The following CSMD1 variants were observed in gnomAD, a reference collection of about 807,000 sequenced individuals.
CSMD1 encodes CUB and sushi domain-containing protein 1.
CSMD1 carries 213 observed loss-of-function variants against 417.5 expected under a neutral mutation model. The ratio of observed to expected loss-of-function variants is 0.51; its 90% CI spans 0.46 to 0.57. The LOEUF (loss-of-function observed/expected upper bound fraction) is 0.57, where lower values mean the gene tolerates loss of function less well. Among genes scored for constraint, CSMD1 ranks in the 20% least tolerant of loss-of-function variants. The pLI is 0.00. For missense variants in CSMD1, 6,923 were observed against 4,529.7 expected, an observed-to-expected ratio of 1.53 and a Z score of -15.17; for synonymous variants, 2,862 against 1,736.8, an observed-to-expected ratio of 1.65 and a Z score of -16.11.
At chr8:4,723,081 G>T (rs1209777766) in intron 1 of CSMD1, among the ~76,000 whole-genome samples, 2 of 152,156 alleles carry the variant, frequency 1.3e-5, no homozygotes, top group African/African-American at 4.8e-5. Context: ...ATAGAGGTCA[G>T]CTTTCTGTCT....
intron 1 of CSMD1, among the ~76,000 whole-genome samples, chr8:4,771,820 A>C (rs1462596119): frequency 6.6e-6 from 1 of 152,144 alleles, no homozygotes; most frequent in African/African-American, 2.4e-5. Context: ...TTTTATTTCC[A>C]TCAACGATAC....
chr8:4,736,202 C>T (rs538198893), intron 1 of CSMD1, among the ~76,000 whole-genome samples: 2 of 152,126 alleles, frequency 1.3e-5, no homozygotes, highest in South Asian at 2.1e-4. Flanking sequence ...ATTATCTGTG[C>T]AGGACAGGGA....
At chr8:4,136,090 A>G (rs1018836512) in intron 3 of CSMD1, among the ~76,000 whole-genome samples, 7 of 152,222 alleles carry the variant, frequency 4.6e-5, no homozygotes, top group African/African-American at 1.7e-4. Context: ...TGACTCAGCA[A>G]AAGGACTTCC....
At chr8:4,204,352 G>A (rs758830235) in intron 3 of CSMD1, among the ~76,000 whole-genome samples, 11 of 151,652 alleles carry the variant, frequency 7.3e-5, no homozygotes, top group African/African-American at 1.9e-4. Context: ...TCCACTTCTA[G>A]GTGAGCAAAC....
At chr8:3,260,193 G>C (rs919155172) in intron 26 of CSMD1, among the ~76,000 whole-genome samples, 23 of 152,010 alleles carry the variant, frequency 1.5e-4, no homozygotes, top group Admixed American at 4.6e-4. Context: ...TTTATTATCT[G>C]CTTCCTCACC....
At chr8:3,457,541 G>A (rs539196129) in intron 12 of CSMD1, among the ~76,000 whole-genome samples, 1 of 152,322 alleles carries the variant, frequency 6.6e-6, no homozygotes, top group African/African-American at 2.4e-5. Flanking sequence ...GCCGTTCCTG[G>A]CTTAGAGGCA....
At chr8:3,659,579 G>A (rs1395559413) in intron 7 of CSMD1, among the ~76,000 whole-genome samples, 1 of 152,156 alleles carries the variant, frequency 6.6e-6, no homozygotes, top group East Asian at 1.9e-4. Flanking sequence ...TAGCAAAAAT[G>A]ATTCAACTGT....
At chr8:3,918,823 C>T (rs930074544) in intron 5 of CSMD1, among the ~76,000 whole-genome samples, 4 of 151,994 alleles carry the variant, frequency 2.6e-5, no homozygotes, top group South Asian at 2.1e-4. Flanking sequence ...GGGAGCCAAA[C>T]TATGAGGATG....
intron 7 of CSMD1, among the ~76,000 whole-genome samples, chr8:3,626,905 A>C (rs910729205): frequency 1.3e-5 from 2 of 150,384 alleles, no homozygotes; most frequent in Non-Finnish European, 3.0e-5. Context: ...AATATTTAAT[A>C]TTAAGGCTTT....
chr8:3,436,630 A>T (rs7005316), intron 12 of CSMD1, among the ~76,000 whole-genome samples: 101,617 of 152,046 alleles, frequency 0.67, 34,326 homozygotes, highest in East Asian at 0.82. Context: ...ACACCAACAT[A>T]GTGATTACAT....
intron 2 of CSMD1, among the ~76,000 whole-genome samples, chr8:4,430,622 G>C (rs1223345861): frequency 1.3e-5 from 2 of 151,976 alleles, no homozygotes; most frequent in African/African-American, 4.8e-5. Context: ...GAATTCAACT[G>C]ATCCTCTTTT....
At chr8:3,941,197 T>G (rs534108412) in intron 5 of CSMD1, among the ~76,000 whole-genome samples, 1 of 152,232 alleles carries the variant, frequency 6.6e-6, no homozygotes, top group African/African-American at 2.4e-5. Context: ...AAATTTAAAT[T>G]GTGCTAGAGA....
At chr8:3,213,108 T>A (rs1181049636) in intron 30 of CSMD1, among the ~76,000 whole-genome samples, 1 of 152,190 alleles carries the variant, frequency 6.6e-6, no homozygotes, top group Non-Finnish European at 1.5e-5. Flanking sequence ...ATTACAGGTG[T>A]GAGCCACGCG....
chr8:4,428,744 G>A (rs974488400), intron 2 of CSMD1, among the ~76,000 whole-genome samples: 25 of 152,072 alleles, frequency 1.6e-4, no homozygotes, highest in African/African-American at 5.8e-4. Flanking sequence ...TATTGAGAAG[G>A]AGTCTAGCTT....
chr8:4,637,295 G>C (rs1802879744), intron 2 of CSMD1, 47 bp downstream of exon 2: 21 of 1,400,258 alleles, frequency 1.5e-5, no homozygotes, highest in Non-Finnish European at 1.9e-5. Flanking sequence ...TTCATAATCT[G>C]TGTATTCAAA....
chr8:4,446,096 T>C (rs958574376), intron 2 of CSMD1, among the ~76,000 whole-genome samples: 4 of 152,216 alleles, frequency 2.6e-5, no homozygotes, highest in Non-Finnish European at 5.9e-5. Context: ...GTGTTCACTG[T>C]AGACAGCAAG....
At chr8:3,747,333 A>G (rs1797110146) in intron 6 of CSMD1, among the ~76,000 whole-genome samples, 1 of 152,198 alleles carries the variant, frequency 6.6e-6, no homozygotes, top group African/African-American at 2.4e-5. Flanking sequence ...CAAATTCTAA[A>G]CAATCCATCA....
In CSMD1 at chr8:4,859,002, C is replaced by A. The variant is rs575542431; in HGVS notation, c.85+135330G>T. Among the ~76,000 whole-genome samples the A allele has an allele frequency of 7.2e-3, 1,090 of 151,056 alleles. 9 individuals are homozygous for A. The highest frequency in any genetic ancestry group is 0.025 in the African/African-American group (1,019 of 41,304). On this transcript the variant is annotated intron_variant, in intron 1 of 69. Transcript: ENST00000635120. ...AACAAAGCTGGAGGCATCACGCTAC[C>A]TGACTTCAAACTATACTACAAGGCT... is the stretch of plus-strand genomic sequence containing the variant.
chr8:4,739,784 T>C (rs1810481714), intron 1 of CSMD1, among the ~76,000 whole-genome samples: 1 of 152,082 alleles, frequency 6.6e-6, no homozygotes, highest in Non-Finnish European at 1.5e-5. Flanking sequence ...CTCTTTGGAG[T>C]CCTTTTTCTT....
Sources: gnomAD v4.1 joint callset for allele counts (sites outside exome capture counted in the v4.1 genomes callset) on GRCh38, gnomAD v4.1.1 for gene constraint, MANE v1.5 for transcripts, NCBI Gene and HGNC (gene_info 2026-07-23, HGNC 2026-07-21) for gene names.